Variants in PLCH2 observed in about 807,000 individuals in gnomAD.
PLCH2 encodes phospholipase C eta 2.
In PLCH2, 98 loss-of-function variants were observed where a neutral mutation model predicts 134.7. The observed-to-expected ratio is 0.73, with a 90% CI of 0.62 to 0.86. The LOEUF (loss-of-function observed/expected upper bound fraction) is 0.86, where lower values mean the gene tolerates loss of function less well. Among genes scored for constraint, PLCH2 ranks in the 40% least tolerant of loss-of-function variants. The pLI is 0.00. For synonymous variants in PLCH2, 974 were observed against 827.5 expected (o/e 1.18, Z -3.04); for missense variants, 1,994 against 1,986.6 (o/e 1.00, Z -0.07).
At chr1:2,446,525 C>T (rs1252802773) in intron 2 of PLCH2, among the ~76,000 whole-genome samples, 1 of 152,220 alleles carries the variant, frequency 6.6e-6, no homozygotes, top group Non-Finnish European at 1.5e-5. Context: ...CGACTCCGAC[C>T]GCCCTCCGGA....
At chr1:2,470,501 C>T (rs972069297) in intron 1 of PLCH2, among the ~76,000 whole-genome samples, 10 of 152,214 alleles carry the variant, frequency 6.6e-5, no homozygotes, top group Non-Finnish European at 1.0e-4. Context: ...GCAGAGCATT[C>T]GTGGGGCTGC....
At chr1:2,447,819 C>T (rs575647088) in intron 2 of PLCH2, among the ~76,000 whole-genome samples, 7 of 152,158 alleles carry the variant, frequency 4.6e-5, no homozygotes, top group East Asian at 1.9e-4. Context: ...GGGGACCAGC[C>T]GACCGGGAAC....
the PLCH2 span, among the ~76,000 whole-genome samples, chr1:2,416,431 C>T: frequency 6.6e-6 from 1 of 152,236 alleles, no homozygotes; most frequent in Non-Finnish European, 1.5e-5. Flanking sequence ...GGAAGCCCCT[C>T]GCAGTGCCAG....
At chr1:2,463,467 G>A (rs1051039581), upstream of PLCH2, among the ~76,000 whole-genome samples, 4 of 152,258 alleles carry the variant, frequency 2.6e-5, no homozygotes, top group Non-Finnish European at 5.9e-5. Context: ...CTGCAGCCGA[G>A]AATCTGTTTA....
rs1363106635 is a variant in PLCH2, at chr1:2,498,246, G to A, written c.2225-277G>A. On this transcript the variant is annotated intron_variant, in intron 16 of 21. Transcript: ENST00000378486. The surrounding 1 kb of genome is among the most constrained non-coding windows in gnomAD (Gnocchi z 5.4). ...AGACCCCACCCCTCATACCCCCAGG[G>A]ACCCAGACCCACCCCCAGAAGCCAT... 2 of 467,322 alleles carry A rather than the reference G, an allele frequency of 4.3e-6. No homozygotes were observed. Among genetic ancestry groups the A allele is most frequent in the African/African-American group, 3.9e-5 (2 of 50,784 alleles). The allele number at this position is 467,322 out of a possible 1,614,324, so 28.9% of individuals were successfully genotyped here.
Position 2,476,506 on chromosome 1 carries a change from C to A in PLCH2, c.-83C>A. On this transcript the variant is annotated 5_prime_UTR_variant, in exon 1 of 22. Coordinates refer to ENST00000378486, the MANE Select transcript of PLCH2 (RefSeq NM_014638.4). Reference sequence around the variant, plus strand: ...GGCCCCACGGAGGTCCTGTCGCCAGCGCTGCCACTGCCTGACCTCCGCTGC... The same window carrying A: ...GGCCCCACGGAGGTCCTGTCGCCAGAGCTGCCACTGCCTGACCTCCGCTGC... 7.5e-7 allele frequency: 1 copy of A among 1,338,474 alleles called. No homozygotes were observed. Among genetic ancestry groups the A allele is most frequent in the Non-Finnish European group, 9.8e-7 (1 of 1,016,788 alleles). 82.9% of individuals were successfully genotyped at this position (1,338,474 alleles called of 1,614,324 possible). A position where few individuals can be genotyped will look rare whatever the true frequency, so the allele number is the denominator to read the frequency against.
chr1:2,488,555 C>T (rs932817040), intron 8 of PLCH2, among the ~76,000 whole-genome samples: 19 of 152,392 alleles, frequency 1.2e-4, no homozygotes, highest in African/African-American at 4.3e-4. Flanking sequence ...TTCATGCCCT[C>T]TTGCTCTGGG....
At chr1:2,502,449 G>A (rs539721885) in intron 21 of PLCH2, 40 bp downstream of exon 21, 10 of 1,534,858 alleles carry the variant, frequency 6.5e-6, no homozygotes, top group East Asian at 2.4e-5. Context: ...AGCCCTGTGC[G>A]AGTGCGGCCC....
chr1:2,497,259 A>C (rs1642946333), intron 15 of PLCH2, among the ~76,000 whole-genome samples: 1 of 151,944 alleles, frequency 6.6e-6, no homozygotes, highest in African/African-American at 2.4e-5. Context: ...CTGTCCACCT[A>C]CTCCCAGGGA....
chr1:2,490,165 G>A (rs1642494793), intron 10 of PLCH2, among the ~76,000 whole-genome samples: 1 of 152,116 alleles, frequency 6.6e-6, no homozygotes, highest in Non-Finnish European at 1.5e-5. Flanking sequence ...GGGCAGCACT[G>A]GGGGCTGGGT....
intron 2 of PLCH2, among the ~76,000 whole-genome samples, chr1:2,443,786 C>T (rs1162063222): frequency 6.8e-6 from 1 of 147,576 alleles, no homozygotes; most frequent in Non-Finnish European, 1.5e-5. Flanking sequence ...AGTGTCACCG[C>T]GCACAGCCCG....
intron 5 of PLCH2, 75 bp downstream of exon 5, chr1:2,484,693 C>T (rs565850376): frequency 1.3e-6 from 2 of 1,517,916 alleles, no homozygotes; most frequent in Admixed American, 1.8e-5. Flanking sequence ...GAGCTTCAGT[C>T]AGGGGACAGT....
In PLCH2 at chr1:2,491,275, T is replaced by C; in HGVS notation, c.1599T>C (p.Cys533=). The part of the protein sequence containing the change: ...SLIKESKIRD[C]EDPNNFSVST... ...TCAAAGAGTCGAAGATTCGGGACTG[T>C]GAGGACCCCAACAACTTCTCCGTCT... Residue 533 remains cysteine (C), a synonymous_variant, in exon 11 of 22, where the codon TGT becomes TGC. Transcript: ENST00000378486. 6.2e-7 allele frequency: 1 copy of C among 1,613,292 alleles called. No individual in the cohort carries two copies. Among genetic ancestry groups the C allele is most frequent in the East Asian group, 2.2e-5 (1 of 44,870 alleles).
rs537679272 is a variant in PLCH2, at chr1:2,487,164, G to A, written c.911-9G>A. 8.1e-5 allele frequency: 126 copies of A among 1,554,214 alleles called. No homozygotes were observed. The highest frequency in any genetic ancestry group is 2.2e-4 in the South Asian group (19 of 84,858). On this transcript the variant is annotated splice_polypyrimidine_tract_variant and intron_variant, in intron 6 of 21. Transcript: ENST00000378486. ...GCTGACATGGCCCCTATGCCACGCC[G>A]TCCTGCAGGCTTCACCAACTACACC...
rs565895661 is a variant in PLCH2, at chr1:2,502,739, G to T, written c.2959+330G>T. On this transcript the variant is annotated intron_variant, in intron 21 of 21. Transcript: ENST00000378486. ...CTGGAGGCAGGGTCCAGGCGGTAGCGGCTCCATGTCCTCGGACTCCAGCAG... is the reference window on the plus strand; with the variant it reads ...CTGGAGGCAGGGTCCAGGCGGTAGCTGCTCCATGTCCTCGGACTCCAGCAG... The T allele has an allele frequency of 7.0e-6, 5 of 716,154 alleles. No homozygotes were observed. In the Admixed American group the frequency reaches 1.0e-4, roughly 14 times the overall value. 44.4% of individuals were successfully genotyped at this position (716,154 alleles called of 1,614,324 possible).
At chr1:2,434,302 C>T (rs1374530115) in intron 2 of PLCH2, among the ~76,000 whole-genome samples, 2 of 152,220 alleles carry the variant, frequency 1.3e-5, no homozygotes, top group Non-Finnish European at 2.9e-5. Context: ...GGAGGCAGGA[C>T]ACACGGACTC....
intron 1 of PLCH2, chr1:2,426,105 A>G (rs200054644): frequency 1.3e-5 from 2 of 152,382 alleles, no homozygotes; most frequent in East Asian, 1.9e-4. Context: ...CTCTGCTTTA[A>G]TTCTGAGCAC....
chr1:2,498,591 A>G lies in PLCH2; in HGVS notation c.2293A>G (p.Ile765Val). 6.3e-7 allele frequency: 1 copy of G among 1,598,188 alleles called. No individual in the cohort carries two copies. The highest frequency in any genetic ancestry group is 1.7e-5 in the Admixed American group (1 of 58,570). ...CAAGAAGCAGCTGGTGCTCCGGATC[A>G]TCAGTGGCCAGCAGCTTCCCAAGCC... ...QLKKQLVLRI[I>V]SGQQLPKPRD... The change falls in exon 17 of 22, where the codon ATC becomes GTC. Residue 765 changes from isoleucine (I) to valine (V), a missense_variant. Around this residue, in one of 2 missense-constraint regions of PLCH2, gnomAD observed 1,094 missense variants for 1,234.3 expected, o/e 0.89. Coordinates refer to ENST00000378486, the MANE Select transcript of PLCH2 (RefSeq NM_014638.4). The surrounding 1 kb of genome is among the most constrained non-coding windows in gnomAD (Gnocchi z 5.4).
intron 10 of PLCH2, 95 bp downstream of exon 10, chr1:2,489,962 G>A: frequency 2.1e-6 from 2 of 932,574 alleles, no homozygotes. Context: ...AGAAAGGGAG[G>A]CATCCGGGAG....
Sources: allele counts gnomAD v4.1 joint callset (sites outside exome capture counted in the v4.1 genomes callset), GRCh38; gene constraint gnomAD v4.1.1; regional missense constraint gnomAD v4.1.1; non-coding constraint Gnocchi (gnomAD v3.1); transcripts MANE v1.5; gene names NCBI Gene and HGNC (gene_info 2026-07-23, HGNC 2026-07-21).